VEPH1: variants seen among roughly 807,000 people sequenced by gnomAD.
VEPH1 encodes ventricular zone-expressed PH domain-containing protein homolog 1.
In VEPH1, 80 loss-of-function variants were observed where a neutral mutation model predicts 85.2. The ratio of observed to expected loss-of-function variants is 0.94; its 90% CI spans 0.78 to 1.13. VEPH1 has a LOEUF of 1.13. VEPH1 is among the 50% of genes most tolerant of loss of function. The probability of loss-of-function intolerance (pLI) is 0.00; values close to 1 mark genes in which losing one functional copy is unlikely to be tolerated. For missense variants in VEPH1, 955 were observed against 980.5 expected, an observed-to-expected ratio of 0.97 and a Z score of 0.35; for synonymous variants, 297 against 348.0, an observed-to-expected ratio of 0.85 and a Z score of 1.63.
intron 4 of VEPH1, among the ~76,000 whole-genome samples, chr3:157,454,368 G>A (rs1735204640): frequency 6.6e-6 from 1 of 152,190 alleles, no homozygotes; most frequent in South Asian, 2.1e-4. Context: ...CTGGAGTTCA[G>A]ACATACCTGG....
At chr3:157,442,653 T>C (rs987133414) in intron 4 of VEPH1, 1 of 1,614,204 alleles carries the variant, frequency 6.2e-7, no homozygotes, top group Non-Finnish European at 8.5e-7. Flanking sequence ...GTGCGGCACC[T>C]GGAATTCAGA....
intron 9 of VEPH1, among the ~76,000 whole-genome samples, chr3:157,336,476 C>T (rs895162350): frequency 1.3e-5 from 2 of 152,196 alleles, no homozygotes; most frequent in African/African-American, 2.4e-5. Flanking sequence ...CACTGCTTAC[C>T]GCTAGTTCAG....
chr3:157,294,057 A>G (rs1249088161), intron 11 of VEPH1, among the ~76,000 whole-genome samples: 1 of 152,190 alleles, frequency 6.6e-6, no homozygotes, highest in Non-Finnish European at 1.5e-5. Flanking sequence ...CCTACATTCA[A>G]CAAATATTTA....
chr3:157,465,633 T>A (rs2109410849), intron 3 of VEPH1, among the ~76,000 whole-genome samples: 1 of 152,310 alleles, frequency 6.6e-6, no homozygotes, highest in African/African-American at 2.4e-5. Context: ...GTGAAGGAAA[T>A]GCTCTCCACT....
intron 7 of VEPH1, among the ~76,000 whole-genome samples, chr3:157,378,192 C>T (rs1279262398): frequency 6.6e-6 from 1 of 151,752 alleles, no homozygotes; most frequent in Admixed American, 6.6e-5. Flanking sequence ...TTTGTGGGTG[C>T]ATATAAATGG....
At chr3:157,419,210 C>T (rs1049292755) in intron 5 of VEPH1, among the ~76,000 whole-genome samples, 1 of 152,088 alleles carries the variant, frequency 6.6e-6, no homozygotes, top group African/African-American at 2.4e-5. Flanking sequence ...AAATGTAAAA[C>T]CCCAAAAGAT....
intron 9 of VEPH1, among the ~76,000 whole-genome samples, chr3:157,356,682 ATTTACTCTG>A (rs1262656458): frequency 6.6e-6 from 1 of 152,050 alleles, no homozygotes; most frequent in Non-Finnish European, 1.5e-5. Context: ...AAAAATATGG[ATTTACTCTG>A]TTTACTCTGT....
chr3:157,488,201 CA>C (rs1179384460), intron 2 of VEPH1, among the ~76,000 whole-genome samples: 1 of 151,924 alleles, frequency 6.6e-6, no homozygotes, highest in Non-Finnish European at 1.5e-5. Flanking sequence ...TTCTAAATAC[CA>C]GCCCATTTCT....
chr3:157,455,541 C>T (rs897629224), intron 4 of VEPH1, among the ~76,000 whole-genome samples: 1 of 151,888 alleles, frequency 6.6e-6, no homozygotes, highest in Non-Finnish European at 1.5e-5. Flanking sequence ...AGCCCAGTAC[C>T]TGTTAGTTAT....
Position 157,363,386 on chromosome 3 carries a change from G to A in VEPH1, c.1713C>T (p.Val571=), listed in dbSNP as rs777101724. Residue 571 remains valine (V), a synonymous_variant, in exon 9 of 14, where the codon GTC becomes GTT. Coordinates refer to ENST00000362010, the MANE Select transcript of VEPH1 (RefSeq NM_001167912.2). ...TACCTTCAATGGTACACTGATCAGG[G>A]ACTGGAATCTTCTTTCCAATTTCCA... ...YAMEIGKKIP[V]PDQCTIEDTV... 4.3e-6 allele frequency: 7 copies of A among 1,609,302 alleles called. No homozygotes were observed. The African/African-American group carries it at 8.1e-5, about 19-fold the overall frequency.
intron 9 of VEPH1, among the ~76,000 whole-genome samples, chr3:157,342,367 G>A (rs7427794): frequency 0.23 from 35,569 of 152,024 alleles, 4,748 homozygotes; most frequent in South Asian, 0.33. Context: ...AAAAGGCAGG[G>A]GTTGCAATCC....
intron 9 of VEPH1, among the ~76,000 whole-genome samples, chr3:157,356,072 T>C (rs1453663560): frequency 6.6e-6 from 1 of 152,058 alleles, no homozygotes; most frequent in Non-Finnish European, 1.5e-5. Flanking sequence ...TATTTTTGCA[T>C]ATTTTTTGTA....
At chr3:157,337,940 T>C (rs1723123485) in intron 9 of VEPH1, among the ~76,000 whole-genome samples, 4 of 152,270 alleles carry the variant, frequency 2.6e-5, no homozygotes, top group African/African-American at 9.6e-5. Flanking sequence ...GTTACCACTC[T>C]GGTTTGAAGA....
chr3:157,318,184 G>A (rs911900624), intron 9 of VEPH1, among the ~76,000 whole-genome samples: 1 of 152,228 alleles, frequency 6.6e-6, no homozygotes, highest in African/African-American at 2.4e-5. Flanking sequence ...ACTCAGCAGG[G>A]CTGATACCAT....
chr3:157,436,574 T>C (rs1246844457), intron 4 of VEPH1, among the ~76,000 whole-genome samples: 1 of 152,164 alleles, frequency 6.6e-6, no homozygotes, highest in Non-Finnish European at 1.5e-5. Context: ...CCCATTGCTA[T>C]CAATTCAAAT....
At chr3:157,265,972 T>G (rs1350022618) in intron 12 of VEPH1, among the ~76,000 whole-genome samples, 1 of 150,862 alleles carries the variant, frequency 6.6e-6, no homozygotes, top group Non-Finnish European at 1.5e-5. Flanking sequence ...TTTCTTTGTT[T>G]CATAGTGTTC....
At chr3:157,443,234 G>C in intron 4 of VEPH1, 1 of 384,904 alleles carries the variant, frequency 2.6e-6, no homozygotes, top group Admixed American at 4.1e-5. Flanking sequence ...GTCTCTGTCA[G>C]ATAAACTCTC....
chr3:157,436,871 A>C, intron 4 of VEPH1: 3 of 1,572,290 alleles, frequency 1.9e-6, no homozygotes, highest in Non-Finnish European at 2.6e-6. Flanking sequence ...CCTCCGCTCA[A>C]ACTCAGCTCA....
intron 3 of VEPH1, among the ~76,000 whole-genome samples, chr3:157,467,734 G>A (rs1050363067): frequency 1.3e-4 from 20 of 152,070 alleles, no homozygotes; most frequent in African/African-American, 4.8e-4. Flanking sequence ...TCCCTACACC[G>A]GCCCTACATG....
Sources: gnomAD v4.1 joint callset for allele counts (sites outside exome capture counted in the v4.1 genomes callset) on GRCh38, gnomAD v4.1.1 for gene constraint, MANE v1.5 for transcripts, NCBI Gene and HGNC (gene_info 2026-07-23, HGNC 2026-07-21) for gene names.